PXK: variants seen among roughly 807,000 people sequenced by gnomAD.
The protein encoded by PXK is PX domain-containing protein kinase-like protein.
In PXK, 35 loss-of-function variants were observed where a neutral mutation model predicts 84.7. That is an observed-to-expected ratio of 0.41 (90% confidence interval 0.32 to 0.55). The LOEUF is 0.55. Ranked by LOEUF, PXK falls within the 20% of genes least tolerant of loss-of-function variation. The pLI, the probability that PXK is intolerant of heterozygous loss-of-function variation, is 0.21. For missense variants in PXK, 634 were observed against 699.7 expected (o/e 0.91, Z 1.06); for synonymous variants, 253 against 260.8 (o/e 0.97, Z 0.29).
rs543928032 is a variant in PXK, at chr3:58,400,466, A to G, written c.1181+1089A>G. On this transcript the variant is annotated intron_variant, in intron 12 of 17. Coordinates refer to ENST00000356151, the MANE Select transcript of PXK (RefSeq NM_017771.5). This position sits in a 1 kb window ranked among gnomAD's most constrained non-coding sequence, Gnocchi z 4.0. ...TTCCGGTTCCTGGTTCTTTCTTTCC[A>G]CAAGTGTTTAGAGAGGGCCTTCTGG... is the stretch of plus-strand genomic sequence containing the variant. Among the ~76,000 whole-genome samples, 3 of 152,286 alleles carry G rather than the reference A, an allele frequency of 2.0e-5. No homozygotes were observed. The highest frequency in any genetic ancestry group is 3.9e-4 in the East Asian group (2 of 5,182).
chr3:58,381,192 C>T (rs1407421597), intron 3 of PXK, among the ~76,000 whole-genome samples: 1 of 143,792 alleles, frequency 7.0e-6, no homozygotes, highest in African/African-American at 2.6e-5. Flanking sequence ...GAGTTTGCAG[C>T]GAGCCGAGAT....
intron 7 of PXK, among the ~76,000 whole-genome samples, chr3:58,393,119 C>T (rs897984244): frequency 2.0e-5 from 3 of 151,934 alleles, no homozygotes; most frequent in South Asian, 4.2e-4. Context: ...GAGGCTGAGG[C>T]GGATGGATCA....
chr3:58,423,517 A>G (rs2062277516), intron 17 of PXK: 1 of 1,535,834 alleles, frequency 6.5e-7, no homozygotes, highest in Admixed American at 2.0e-5. Flanking sequence ...CTATTGTAAG[A>G]CTTTAACCCA....
intron 17 of PXK, chr3:58,422,326 G>A: frequency 1.0e-6 from 1 of 985,320 alleles, no homozygotes; most frequent in Non-Finnish European, 1.2e-6. Flanking sequence ...CCTTGCCCTG[G>A]TTGTACATAA....
At chr3:58,334,339 T>G (rs185783760) in intron 1 of PXK, among the ~76,000 whole-genome samples, 1 of 152,352 alleles carries the variant, frequency 6.6e-6, no homozygotes, top group African/African-American at 2.4e-5. Flanking sequence ...AATCCTATTC[T>G]GTAGACATGT....
chr3:58,381,611 C>G (rs2098504292), intron 3 of PXK, among the ~76,000 whole-genome samples: 1 of 149,674 alleles, frequency 6.7e-6, no homozygotes, highest in Admixed American at 6.6e-5. Context: ...AAGCATGGCT[C>G]TAGCTCAGTT....
At chr3:58,394,912 A>C in intron 7 of PXK, 86 bp from the exon 8 acceptor site, 1 of 968,956 alleles carries the variant, frequency 1.0e-6, no homozygotes, top group Non-Finnish European at 1.6e-6. Flanking sequence ...CCACAGTGCT[A>C]CTTGACTCTG....
intron 1 of PXK, among the ~76,000 whole-genome samples, chr3:58,363,670 A>G (rs2098225553): frequency 6.6e-6 from 1 of 152,180 alleles, no homozygotes; most frequent in Non-Finnish European, 1.5e-5. Context: ...GGGATTTTCT[A>G]CATAGACTAT....
chr3:58,344,931 C>A (rs549178084), intron 1 of PXK, among the ~76,000 whole-genome samples: 2 of 152,340 alleles, frequency 1.3e-5, no homozygotes, highest in South Asian at 4.1e-4. Flanking sequence ...CAGCAAATGC[C>A]CATTTCAGCT....
At chr3:58,352,383 A>G (rs2097949633) in intron 1 of PXK, among the ~76,000 whole-genome samples, 3 of 152,134 alleles carry the variant, frequency 2.0e-5, no homozygotes, top group Non-Finnish European at 4.4e-5. Context: ...AAAAAGCATC[A>G]TTTCCAGCGG....
rs747252772 is a variant in PXK at position 58,421,375 on chromosome 3, G to A, written c.1529-3377G>A. ...GGCGGGCGGATCACAAGGATCAGGA[G>A]TTCAAGACCAACCTGGCCAACATGG... On this transcript the variant is annotated intron_variant, in intron 17 of 17. Coordinates refer to ENST00000356151, the MANE Select transcript of PXK (RefSeq NM_017771.5). This position sits in a 1 kb window ranked among gnomAD's most constrained non-coding sequence, Gnocchi z 5.5. The A allele has an allele frequency of 1.6e-4, 139 of 873,068 alleles. No homozygotes were observed. Among genetic ancestry groups the A allele is most frequent in the Non-Finnish European group, 1.7e-4 (127 of 730,698 alleles). 54.1% of individuals were successfully genotyped at this position (873,068 alleles called of 1,614,324 possible). A position where few individuals can be genotyped will look rare whatever the true frequency, so the allele number is the denominator to read the frequency against.
At chr3:58,345,194 G>C (rs1431279982) in intron 1 of PXK, among the ~76,000 whole-genome samples, 2 of 152,158 alleles carry the variant, frequency 1.3e-5, no homozygotes, top group Admixed American at 6.5e-5. Flanking sequence ...GGAGAGGCTG[G>C]TCAGGTCCTC....
At position 58,424,955 on chromosome 3, in the gene PXK, G is replaced by A. The variant is rs759896445; in HGVS notation, c.1732G>A (p.Gly578Ser). Residue 578 changes from glycine (G) to serine (S), a missense_variant, in exon 18 of 18, where the codon GGC becomes AGC. Coordinates refer to ENST00000356151, the MANE Select transcript of PXK (RefSeq NM_017771.5). ...KTCDHSAPKIG is the reference protein window; with the variant it reads ...KTCDHSAPKIS ...CTGTGATCACAGTGCTCCGAAGATCGGCTGAAGCTTCCTGTTTACACTTGG... is the reference window on the plus strand; with the variant it reads ...CTGTGATCACAGTGCTCCGAAGATCAGCTGAAGCTTCCTGTTTACACTTGG... 8.1e-6 allele frequency: 13 copies of A among 1,613,880 alleles called. No homozygotes were observed. The highest frequency in any genetic ancestry group is 5.0e-5 in the Admixed American group (3 of 59,984).
chr3:58,359,976 C>T (rs779248553), intron 1 of PXK, among the ~76,000 whole-genome samples: 1 of 152,080 alleles, frequency 6.6e-6, no homozygotes, highest in Non-Finnish European at 1.5e-5. Flanking sequence ...ACTGAGACCC[C>T]GTTTCTACAA....
intron 2 of PXK, among the ~76,000 whole-genome samples, chr3:58,366,419 G>A (rs933901878): frequency 6.6e-6 from 1 of 152,142 alleles, no homozygotes; most frequent in African/African-American, 2.4e-5. Flanking sequence ...GCTTTCTTCA[G>A]TGGTGGCCTC....
intron 1 of PXK, among the ~76,000 whole-genome samples, chr3:58,336,066 TATATA>T (rs1421324503): frequency 1.4e-3 from 84 of 58,774 alleles, no homozygotes; most frequent in African/African-American, 8.8e-3. Context: ...TATATATATA[TATATA>T]TTTTTTTTTT....
chr3:58,366,966 G>T (rs1185819638), intron 2 of PXK, among the ~76,000 whole-genome samples: 1 of 152,104 alleles, frequency 6.6e-6, no homozygotes, highest in Admixed American at 6.5e-5. Context: ...TTAACTTTTT[G>T]ATGTATATTT....
intron 1 of PXK, among the ~76,000 whole-genome samples, chr3:58,349,310 C>T (rs866851146): frequency 3.3e-5 from 5 of 151,342 alleles, no homozygotes; most frequent in Non-Finnish European, 7.4e-5. Context: ...AGAGAAAAAG[C>T]AAGTCATAAC....
Position 58,334,502 on chromosome 3 carries a change from T to C in PXK, c.102+1412T>C, listed in dbSNP as rs146009071. Among the ~76,000 whole-genome samples, 318 of 152,332 alleles carry C rather than the reference T, an allele frequency of 2.1e-3. 2 individuals carry two copies. Among genetic ancestry groups the C allele is most frequent in the African/African-American group, 7.2e-3 (300 of 41,576 alleles). ...CTTGACTATTGGCAAGTAAGTCTTATAACCTTTCAGGGAATAGTGTCGAGT... is the reference window on the plus strand; with the variant it reads ...CTTGACTATTGGCAAGTAAGTCTTACAACCTTTCAGGGAATAGTGTCGAGT... On this transcript the variant is annotated intron_variant, in intron 1 of 17. Transcript: ENST00000356151.
Sources: gnomAD v4.1 joint callset for allele counts (sites outside exome capture counted in the v4.1 genomes callset) on GRCh38, gnomAD v4.1.1 for gene constraint, Gnocchi (gnomAD v3.1) non-coding constraint, MANE v1.5 for transcripts, NCBI Gene and HGNC (gene_info 2026-07-23, HGNC 2026-07-21) for gene names.